TENM3: variants seen among roughly 807,000 people sequenced by gnomAD.
TENM3 encodes the protein teneurin transmembrane protein 3, also known as teneurin-3.
In TENM3, 63 loss-of-function variants were observed where a neutral mutation model predicts 255.1. The ratio of observed to expected loss-of-function variants is 0.25; its 90% CI spans 0.20 to 0.30. The LOEUF is 0.30. Among genes scored for constraint, TENM3 ranks in the 10% least tolerant of loss-of-function variants. The probability of loss-of-function intolerance (pLI) is 1.00; values close to 1 mark genes in which losing one functional copy is unlikely to be tolerated. For synonymous variants in TENM3, 1,306 were observed against 1,322.3 expected (o/e 0.99, Z 0.27); for missense variants, 2,929 against 3,461.1 (o/e 0.85, Z 3.86).
At chr4:182,498,370 T>A (rs1445521565) in intron 3 of TENM3, among the ~76,000 whole-genome samples, 1 of 152,190 alleles carries the variant, frequency 6.6e-6, no homozygotes, top group African/African-American at 2.4e-5. Flanking sequence ...CTTCACCTCT[T>A]GAGAAATTTG....
the TENM3 span, among the ~76,000 whole-genome samples, chr4:181,888,498 A>G: frequency 1.9e-4 from 4 of 20,718 alleles, no homozygotes; most frequent in African/African-American, 4.0e-4. Context: ...AAATGTGTAT[A>G]TATATATATA....
the TENM3 span, among the ~76,000 whole-genome samples, chr4:181,644,045 T>A: frequency 1.4e-5 from 2 of 138,638 alleles, no homozygotes; most frequent in African/African-American, 5.4e-5. Flanking sequence ...CACTGCATTC[T>A]AGCCTGGGTG....
chr4:182,158,158 TCTAGA>T (rs1205504826), intron 1 of TENM3, among the ~76,000 whole-genome samples: 4 of 152,192 alleles, frequency 2.6e-5, no homozygotes. Flanking sequence ...ACGTCGCGCC[TCTAGA>T]CTAGTCATTG....
chr4:181,749,076 G>A, the TENM3 span, among the ~76,000 whole-genome samples: 23 of 152,118 alleles, frequency 1.5e-4, no homozygotes, highest in East Asian at 4.1e-3. Context: ...AGTAAAGTTG[G>A]CTTCCTAAGT....
At chr4:181,670,853 G>A in the TENM3 span, among the ~76,000 whole-genome samples, 5 of 152,030 alleles carry the variant, frequency 3.3e-5, no homozygotes, top group East Asian at 1.9e-4. Context: ...TTATTATAAC[G>A]CACATTTATT....
chr4:181,471,279 A>G, the TENM3 span, among the ~76,000 whole-genome samples: 1,286 of 152,350 alleles, frequency 8.4e-3, 22 homozygotes, highest in African/African-American at 0.03. Flanking sequence ...GGATACAAAC[A>G]TGGATAGACA....
intron 3 of TENM3, among the ~76,000 whole-genome samples, chr4:182,527,989 G>A (rs1739388413): frequency 6.6e-6 from 1 of 152,184 alleles, no homozygotes; most frequent in African/African-American, 2.4e-5. Context: ...GCCTCCCAAA[G>A]TGCTGGGATT....
chr4:182,348,412 G>A (rs1429423040), intron 3 of TENM3, among the ~76,000 whole-genome samples: 2 of 152,102 alleles, frequency 1.3e-5, no homozygotes, highest in Admixed American at 6.5e-5. Flanking sequence ...CTGTCCAGCT[G>A]TACTTCACAT....
chr4:181,646,594 T>C, the TENM3 span, among the ~76,000 whole-genome samples: 3 of 152,194 alleles, frequency 2.0e-5, no homozygotes, highest in East Asian at 5.8e-4. Context: ...CCATTCATTC[T>C]TCTAAAGACT....
the TENM3 span, among the ~76,000 whole-genome samples, chr4:181,466,205 C>A: frequency 6.6e-6 from 1 of 151,730 alleles, no homozygotes; most frequent in Admixed American, 6.6e-5. Flanking sequence ...GCAACCTCCG[C>A]CTCACTGGTT....
the TENM3 span, among the ~76,000 whole-genome samples, chr4:181,649,598 A>T: frequency 6.6e-6 from 1 of 152,182 alleles, no homozygotes; most frequent in Non-Finnish European, 1.5e-5. Flanking sequence ...TCATTATGGG[A>T]ACCCAAATGG....
upstream of TENM3, chr4:182,142,024 A>G (rs1398731336): frequency 6.6e-6 from 1 of 152,238 alleles, no homozygotes; most frequent in African/African-American, 2.4e-5. Context: ...AAAGTGCTTT[A>G]TGAAAGAGTT....
intron 3 of TENM3, among the ~76,000 whole-genome samples, chr4:182,509,805 C>T (rs976998280): frequency 2.0e-5 from 3 of 151,916 alleles, no homozygotes; most frequent in Non-Finnish European, 2.9e-5. Context: ...GGGGTGGTGG[C>T]GCATGCCTGT....
chr4:182,700,235 T>C (rs899346152), intron 12 of TENM3, among the ~76,000 whole-genome samples: 1 of 152,170 alleles, frequency 6.6e-6, no homozygotes, highest in African/African-American at 2.4e-5. Context: ...TGTTGGGACT[T>C]TTCATTCAGT....
the TENM3 span, among the ~76,000 whole-genome samples, chr4:181,646,668 G>A: frequency 6.6e-6 from 1 of 152,070 alleles, no homozygotes. Context: ...CAAATGCAGC[G>A]GCCAGTGCAG....
intron 12 of TENM3, among the ~76,000 whole-genome samples, chr4:182,702,881 C>A (rs1025527501): frequency 6.6e-6 from 1 of 151,432 alleles, no homozygotes; most frequent in East Asian, 1.9e-4. Flanking sequence ...GGACTACAGG[C>A]GCCCACCACC....
the TENM3 span, among the ~76,000 whole-genome samples, chr4:181,640,131 G>A: frequency 6.6e-6 from 1 of 152,138 alleles, no homozygotes; most frequent in Admixed American, 6.5e-5. Flanking sequence ...AGATGAAGGG[G>A]CTTTAGTGAG....
the TENM3 span, among the ~76,000 whole-genome samples, chr4:182,116,942 C>T: frequency 6.6e-6 from 1 of 152,194 alleles, no homozygotes; most frequent in African/African-American, 2.4e-5. Context: ...GCTCTACATT[C>T]TCACCAGCAT....
At chr4:182,704,251 A>G (rs1758103007) in intron 12 of TENM3, among the ~76,000 whole-genome samples, 1 of 152,244 alleles carries the variant, frequency 6.6e-6, no homozygotes, top group Non-Finnish European at 1.5e-5. Context: ...AAAGGCTACC[A>G]CAAAACTCAT....
Sources: allele counts gnomAD v4.1 joint callset (sites outside exome capture counted in the v4.1 genomes callset), GRCh38; gene constraint gnomAD v4.1.1; transcripts MANE v1.5; gene names NCBI Gene and HGNC (gene_info 2026-07-23, HGNC 2026-07-21).